CNBD1: variants seen among roughly 807,000 people sequenced by gnomAD.
CNBD1 encodes cyclic nucleotide binding domain containing 1, also known as cyclic nucleotide-binding domain-containing protein 1.
Under a neutral mutation model 54.4 loss-of-function variants are expected in CNBD1, and 71 were observed. That is an observed-to-expected ratio of 1.30 (90% CI 1.08 to 1.59). CNBD1 has a LOEUF of 1.59. Among genes scored for constraint, CNBD1 ranks in the 40% most tolerant of loss-of-function variants. CNBD1 has a pLI of 0.00. For missense variants in CNBD1, 659 were observed against 518.0 expected (o/e 1.27, Z -2.64); for synonymous variants, 182 against 170.7 (o/e 1.07, Z -0.51).
chr8:87,327,913 T>C (rs899457255), intron 8 of CNBD1, among the ~76,000 whole-genome samples: 2 of 152,186 alleles, frequency 1.3e-5, no homozygotes, highest in Non-Finnish European at 2.9e-5. Flanking sequence ...GATTTTTGTG[T>C]ATTGTGTAAG....
intron 8 of CNBD1, among the ~76,000 whole-genome samples, chr8:87,329,525 A>C (rs1001915677): frequency 1.3e-5 from 2 of 152,122 alleles, no homozygotes; most frequent in Non-Finnish European, 2.9e-5. Context: ...GGAGCCTTGC[A>C]TTCATGAAAT....
intron 9 of CNBD1, 99 bp downstream of exon 9, chr8:87,351,893 C>CAAA: frequency 2.5e-6 from 3 of 1,178,054 alleles, no homozygotes; most frequent in South Asian, 5.5e-5. Flanking sequence ...ATTTGTATTA[C>CAAA]TTTGTGAAAT....
intron 6 of CNBD1, among the ~76,000 whole-genome samples, chr8:87,257,450 A>G (rs1277110422): frequency 6.6e-6 from 1 of 151,630 alleles, no homozygotes; most frequent in African/African-American, 2.4e-5. Flanking sequence ...AGCCAAATGT[A>G]CCTGAAGCTT....
intron 7 of CNBD1, among the ~76,000 whole-genome samples, chr8:87,285,802 G>A (rs1210818829): frequency 6.6e-6 from 1 of 152,176 alleles, no homozygotes; most frequent in Non-Finnish European, 1.5e-5. Flanking sequence ...CCCAGGAAGT[G>A]GAGTTTGTGG....
At chr8:87,301,220 CA>C (rs1563543273) in intron 8 of CNBD1, among the ~76,000 whole-genome samples, 1 of 151,920 alleles carries the variant, frequency 6.6e-6, no homozygotes, top group East Asian at 1.9e-4. Context: ...AAATTGCCAA[CA>C]AAAAAAGTCC....
chr8:87,146,067 G>T (rs931931064), intron 4 of CNBD1, among the ~76,000 whole-genome samples: 1 of 151,916 alleles, frequency 6.6e-6, no homozygotes, highest in Non-Finnish European at 1.5e-5. Flanking sequence ...AAATATTTTC[G>T]AATTCTTTTT....
intron 6 of CNBD1, among the ~76,000 whole-genome samples, chr8:87,269,156 C>G (rs1808316166): frequency 6.6e-6 from 1 of 151,914 alleles, no homozygotes; most frequent in Non-Finnish European, 1.5e-5. Context: ...GTCAGTTATC[C>G]CAGCACCATT....
rs753218545 is a variant in CNBD1, at chr8:87,296,299, G to T, written c.1042+9628G>T. Among the ~76,000 whole-genome samples the T allele has an allele frequency of 5.3e-5, 8 of 152,118 alleles. No homozygotes were observed. The East Asian group carries it at 5.8e-4, about 11-fold the overall frequency. ...TTTGGCAATACATACTTTTGGGAAT[G>T]CCTTCTGCATGGAAAGTTTCTTCAC... is the stretch of plus-strand genomic sequence containing the variant. On this transcript the variant is annotated intron_variant, in intron 8 of 10. Coordinates refer to ENST00000518476, the MANE Select transcript of CNBD1 (RefSeq NM_173538.3).
chr8:86,965,928 C>T (rs924538625), intron 4 of CNBD1, among the ~76,000 whole-genome samples: 1 of 152,072 alleles, frequency 6.6e-6, no homozygotes, highest in Non-Finnish European at 1.5e-5. Flanking sequence ...CCCATTGTCT[C>T]CAGCTATCAG....
intron 4 of CNBD1, among the ~76,000 whole-genome samples, chr8:87,040,462 C>A (rs1214089741): frequency 7.9e-6 from 1 of 126,640 alleles, no homozygotes; most frequent in Non-Finnish European, 1.6e-5. Context: ...CTTGCTTTGT[C>A]GCCCAGTCTG....
chr8:87,302,316 A>G (rs1265422149), intron 8 of CNBD1, among the ~76,000 whole-genome samples: 1 of 152,240 alleles, frequency 6.6e-6, no homozygotes, highest in African/African-American at 2.4e-5. Flanking sequence ...CATCGCTGGG[A>G]TGCAAGGCTG....
rs183472000 is a variant in CNBD1 at position 86,913,900 on chromosome 8, G to T, written c.272+8706G>T. Among the ~76,000 whole-genome samples the T allele has an allele frequency of 3.3e-5, 5 of 152,042 alleles. No homozygotes were observed. The South Asian group carries it at 1.0e-3, about 32-fold the overall frequency. On this transcript the variant is annotated intron_variant, in intron 3 of 10. Coordinates refer to ENST00000518476, the MANE Select transcript of CNBD1 (RefSeq NM_173538.3). Reference sequence around the variant, plus strand: ...CCAGGGCAGCCATTTTAGAGGCCCCGCCCTGGGAATGCATTCTTTTCCCAG... The same window carrying T: ...CCAGGGCAGCCATTTTAGAGGCCCCTCCCTGGGAATGCATTCTTTTCCCAG...
intron 10 of CNBD1, among the ~76,000 whole-genome samples, chr8:87,373,959 T>C (rs1810872416): frequency 6.6e-6 from 1 of 151,812 alleles, no homozygotes; most frequent in African/African-American, 2.4e-5. Flanking sequence ...TGTTAGAAGC[T>C]ACAACAGTTT....
At chr8:87,210,574 T>G (rs573386500) in intron 5 of CNBD1, among the ~76,000 whole-genome samples, 1 of 152,232 alleles carries the variant, frequency 6.6e-6, no homozygotes, top group African/African-American at 2.4e-5. Context: ...GCTCCTTACA[T>G]GCCAGCCACT....
intron 10 of CNBD1, among the ~76,000 whole-genome samples, chr8:87,377,038 T>A (rs1342063610): frequency 6.7e-6 from 1 of 149,534 alleles, no homozygotes; most frequent in East Asian, 1.9e-4. Context: ...TTTTTTACAT[T>A]TAGAAAACTC....
At position 87,222,786 on chromosome 8, in the gene CNBD1, A is replaced by G. The variant is rs146446442; in HGVS notation, c.578-14133A>G. The stretch of plus-strand genomic sequence containing the variant: ...ATGATTAATTAAACTTTCTCTAACT[A>G]GTATTTTTAATTCTTTTTAATGCCT... On this transcript the variant is annotated intron_variant, in intron 5 of 10. Transcript: ENST00000518476. 6.5e-4 allele frequency among the ~76,000 whole-genome samples: 99 copies of G among 152,262 alleles called. 2 individuals carry two copies. The East Asian group carries it at 0.018, about 27-fold the overall frequency.
chr8:87,170,906 T>G (rs1813071327), intron 4 of CNBD1, among the ~76,000 whole-genome samples: 1 of 152,230 alleles, frequency 6.6e-6, no homozygotes, highest in East Asian at 1.9e-4. Context: ...GTTGTTGAAT[T>G]TGGTTTGCTA....
intron 5 of CNBD1, among the ~76,000 whole-genome samples, chr8:87,222,702 T>C (rs553134388): frequency 5.3e-5 from 8 of 152,344 alleles, no homozygotes; most frequent in African/African-American, 1.7e-4. Context: ...TTCACAATCA[T>C]GTTTGCTTTA....
chr8:87,309,406 G>T (rs1809219846), intron 8 of CNBD1, among the ~76,000 whole-genome samples: 1 of 151,730 alleles, frequency 6.6e-6, no homozygotes, highest in Non-Finnish European at 1.5e-5. Flanking sequence ...CTTTTATTCG[G>T]GTCAACATTT....
Sources: gnomAD v4.1 joint callset for allele counts (sites outside exome capture counted in the v4.1 genomes callset) on GRCh38, gnomAD v4.1.1 for gene constraint, MANE v1.5 for transcripts, NCBI Gene and HGNC (gene_info 2026-07-23, HGNC 2026-07-21) for gene names.